The following CALN1 variants were observed in gnomAD, a reference collection of about 807,000 sequenced individuals.
CALN1 encodes the protein calneuron 1, also known as calcium-binding protein 8.
A neutral mutation model predicts 30.6 loss-of-function variants in CALN1; 17 were observed. That is an observed-to-expected ratio of 0.56 (90% confidence interval 0.38 to 0.83). CALN1 has a LOEUF of 0.83. CALN1 is among the 40% of genes least tolerant of loss of function. The pLI, the probability that CALN1 is intolerant of heterozygous loss-of-function variation, is 0.00. For missense variants in CALN1, 291 were observed against 354.9 expected (o/e 0.82, Z 1.45); for synonymous variants, 156 against 131.4 (o/e 1.19, Z -1.28).
intron 3 of CALN1, among the ~76,000 whole-genome samples, chr7:72,115,255 T>A (rs1197732519): frequency 6.9e-6 from 1 of 145,890 alleles, no homozygotes; most frequent in African/African-American, 2.5e-5. Context: ...AATAATAACA[T>A]GGGCCACAGG....
chr7:72,311,169 A>G (rs577681799), intron 2 of CALN1, among the ~76,000 whole-genome samples: 1 of 152,218 alleles, frequency 6.6e-6, no homozygotes, highest in South Asian at 2.1e-4. Context: ...GAAGACCTCT[A>G]TGATGACCTA....
In CALN1 at chr7:72,278,826, CA is replaced by C. The variant is rs754857142; in HGVS notation, c.120-17del. 5.6e-6 allele frequency: 9 copies of C among 1,599,510 alleles called. No homozygotes were observed. The highest frequency in any genetic ancestry group is 7.7e-6 in the Non-Finnish European group (9 of 1,167,846). On this transcript the variant is annotated splice_polypyrimidine_tract_variant and intron_variant, in intron 2 of 6. Transcript: ENST00000395275. The stretch of plus-strand genomic sequence containing the variant: ...CATCTTTTCCCTGCCCAAGAGAGAA[CA>C]GGGGAGGGGAAAAGAAAGACATCAT...
intron 5 of CALN1, among the ~76,000 whole-genome samples, chr7:71,897,663 A>T (rs1793600489): frequency 6.6e-6 from 1 of 151,932 alleles, no homozygotes; most frequent in Non-Finnish European, 1.5e-5. Flanking sequence ...AGATCCTGCA[A>T]TGGGAAATGA....
chr7:71,880,624 T>C (rs1026091248), intron 5 of CALN1, among the ~76,000 whole-genome samples: 1 of 152,170 alleles, frequency 6.6e-6, no homozygotes, highest in South Asian at 2.1e-4. Flanking sequence ...TTACGAAACA[T>C]CTCCATTTGG....
chr7:71,886,714 A>T (rs1424096784), intron 5 of CALN1, among the ~76,000 whole-genome samples: 1 of 151,200 alleles, frequency 6.6e-6, no homozygotes, highest in African/African-American at 2.4e-5. Flanking sequence ...CGGAGGTTGC[A>T]GTGAGCAGAG....
At chr7:72,036,925 C>T (rs529702751) in intron 4 of CALN1, among the ~76,000 whole-genome samples, 3 of 152,006 alleles carry the variant, frequency 2.0e-5, no homozygotes, top group African/African-American at 7.2e-5. Context: ...TCTCCCCTCT[C>T]CCAAGGATTT....
intron 5 of CALN1, among the ~76,000 whole-genome samples, chr7:72,003,554 G>C (rs571722699): frequency 1.3e-5 from 2 of 152,192 alleles, no homozygotes; most frequent in African/African-American, 2.4e-5. Flanking sequence ...TGTCAGATCA[G>C]CAGTAGCATT....
chr7:72,375,793 A>G (rs966821089), intron 2 of CALN1, among the ~76,000 whole-genome samples: 3 of 152,018 alleles, frequency 2.0e-5, no homozygotes, highest in Non-Finnish European at 4.4e-5. Flanking sequence ...AAAATATATA[A>G]TTTTACTTCT....
intron 5 of CALN1, among the ~76,000 whole-genome samples, chr7:71,983,149 CA>C (rs1469144337): frequency 2.0e-5 from 3 of 152,206 alleles, no homozygotes. Context: ...CTGGGAGTCC[CA>C]CTCAGGCACC....
chr7:72,350,407 A>G (rs1251955081), intron 2 of CALN1, among the ~76,000 whole-genome samples: 2 of 152,228 alleles, frequency 1.3e-5, no homozygotes, highest in Non-Finnish European at 1.5e-5. Flanking sequence ...TAGACTGGAT[A>G]AAGAAAACGT....
rs1207031247 is a variant in CALN1 at position 71,783,625 on chromosome 7, A to T, written c.*4150T>A. On this transcript the variant is annotated 3_prime_UTR_variant, in exon 7 of 7. Coordinates refer to ENST00000395275, the MANE Select transcript of CALN1 (RefSeq NM_031468.4). ...CTTCATTTTCTGTCCATGCCCTCAT[A>T]GGGCCTCAGGGAAACTGCTAGATTT... 6.7e-6 allele frequency: 1 copy of T among 149,722 alleles called. No individual in the cohort carries two copies. The highest frequency in any genetic ancestry group is 2.6e-5 in the African/African-American group (1 of 38,642). The allele number at this position is 149,722 out of a possible 1,614,324, so 9.3% of individuals were successfully genotyped here.
rs570754901 is a variant in CALN1 at position 72,341,123 on chromosome 7, T to C, written c.119+62128A>G. ...GAGTTGACAGGATCTCCATAAGATC[T>C]TTCCCTTTGATCCCTTAGTTTGGAT... On this transcript the variant is annotated intron_variant, in intron 2 of 6. Coordinates refer to ENST00000395275, the MANE Select transcript of CALN1 (RefSeq NM_031468.4). 3.9e-4 allele frequency among the ~76,000 whole-genome samples: 59 copies of C among 152,342 alleles called. No homozygotes were observed. The South Asian group carries it at 9.5e-3, about 25-fold the overall frequency.
At chr7:72,088,705 A>G (rs1584917577) in intron 4 of CALN1, among the ~76,000 whole-genome samples, 1 of 150,354 alleles carries the variant, frequency 6.7e-6, no homozygotes. Context: ...TCTCAAGAAA[A>G]AAAAAAAAAA....
chr7:72,140,276 A>AG (rs1563091142), intron 3 of CALN1, among the ~76,000 whole-genome samples: 1 of 119,862 alleles, frequency 8.3e-6, no homozygotes. Context: ...GTCTCAAAAT[A>AG]AGAGAGAGAG....
chr7:72,447,336 C>T (rs375956321), upstream of CALN1, among the ~76,000 whole-genome samples: 2 of 152,068 alleles, frequency 1.3e-5, no homozygotes, highest in East Asian at 3.9e-4. Context: ...AGCAAGAAAA[C>T]GGGGCTGAGA....
intron 6 of CALN1, among the ~76,000 whole-genome samples, chr7:71,800,263 A>G (rs183273628): frequency 5.3e-4 from 81 of 152,282 alleles, no homozygotes; most frequent in Middle Eastern, 3.4e-3. Context: ...GATGAGGAAA[A>G]TAAGGCTCAG....
intron 5 of CALN1, among the ~76,000 whole-genome samples, chr7:71,828,665 T>C (rs978708608): frequency 6.7e-6 from 1 of 149,568 alleles, no homozygotes; most frequent in Admixed American, 6.7e-5. Context: ...CATATATATA[T>C]ATATGTAAGA....
intron 5 of CALN1, among the ~76,000 whole-genome samples, chr7:72,021,243 C>G (rs1282943617): frequency 6.6e-6 from 1 of 152,024 alleles, no homozygotes; most frequent in Non-Finnish European, 1.5e-5. Flanking sequence ...TCACTACCCT[C>G]CAGCCTAGGT....
intron 5 of CALN1, among the ~76,000 whole-genome samples, chr7:71,900,265 G>A (rs145299931): frequency 9.9e-5 from 15 of 152,202 alleles, no homozygotes; most frequent in African/African-American, 3.6e-4. Flanking sequence ...AGACAAAGAT[G>A]TCCATTTTCA....
Sources: gnomAD v4.1 joint callset for allele counts (sites outside exome capture counted in the v4.1 genomes callset) on GRCh38, gnomAD v4.1.1 for gene constraint, MANE v1.5 for transcripts, NCBI Gene and HGNC (gene_info 2026-07-23, HGNC 2026-07-21) for gene names.